Variants in CDH13 observed in about 807,000 individuals in gnomAD.
CDH13 encodes the protein cadherin-13.
CDH13 carries 24 observed loss-of-function variants against 63.8 expected under a neutral mutation model. The ratio of observed to expected loss-of-function variants is 0.38; its 90% CI spans 0.27 to 0.53. CDH13 has a LOEUF of 0.53. Ranked by LOEUF, CDH13 falls within the 20% of genes least tolerant of loss-of-function variation. The pLI, the probability that CDH13 is intolerant of heterozygous loss-of-function variation, is 0.85. For missense variants in CDH13, 1,049 were observed against 903.1 expected (o/e 1.16, Z -2.07); for synonymous variants, 503 against 355.3 (o/e 1.42, Z -4.67).
intron 5 of CDH13, among the ~76,000 whole-genome samples, chr16:83,329,390 T>C (rs1298934141): frequency 2.2e-5 from 3 of 137,012 alleles, no homozygotes; most frequent in Non-Finnish European, 4.8e-5. Flanking sequence ...CACACATGGC[T>C]AATTTTTGTA....
chr16:83,781,283 C>G (rs773231305), intron 12 of CDH13, among the ~76,000 whole-genome samples: 4 of 152,156 alleles, frequency 2.6e-5, no homozygotes, highest in African/African-American at 4.8e-5. Context: ...CAAATGTAAA[C>G]TAACTACCAA....
At chr16:82,857,523 A>G (rs1414766511) in intron 1 of CDH13, among the ~76,000 whole-genome samples, 1 of 152,208 alleles carries the variant, frequency 6.6e-6, no homozygotes, top group Non-Finnish European at 1.5e-5. Context: ...CCAGGAGAGA[A>G]TCGTATACAT....
At chr16:83,024,528 T>C (rs1179647096) in intron 2 of CDH13, among the ~76,000 whole-genome samples, 1 of 152,118 alleles carries the variant, frequency 6.6e-6, no homozygotes, top group Admixed American at 6.6e-5. Context: ...ACTCCCGAGT[T>C]TGGATTTGAC....
chr16:83,012,558 C>T (rs1215503646), intron 2 of CDH13, among the ~76,000 whole-genome samples: 2 of 151,884 alleles, frequency 1.3e-5, no homozygotes, highest in Admixed American at 1.3e-4. Flanking sequence ...AGACTCTCTA[C>T]AAGAAAAAAC....
intron 6 of CDH13, among the ~76,000 whole-genome samples, chr16:83,352,571 C>T (rs1286087436): frequency 5.9e-5 from 9 of 152,176 alleles, no homozygotes; most frequent in Admixed American, 5.2e-4. Flanking sequence ...TACACACACA[C>T]AATGGAATAC....
intron 7 of CDH13, among the ~76,000 whole-genome samples, chr16:83,501,929 G>T (rs1382338502): frequency 1.3e-5 from 2 of 152,194 alleles, no homozygotes; most frequent in African/African-American, 2.4e-5. Flanking sequence ...AAGCCCATGT[G>T]GTACAGTGGC....
At chr16:82,823,690 T>C (rs1390665650) in intron 1 of CDH13, 1 of 152,162 alleles carries the variant, frequency 6.6e-6, no homozygotes, top group African/African-American at 2.4e-5. Context: ...GGTATATTTA[T>C]TGTTATATAA....
chr16:83,689,984 G>A (rs1904687255), intron 10 of CDH13, among the ~76,000 whole-genome samples: 1 of 152,140 alleles, frequency 6.6e-6, no homozygotes, highest in Non-Finnish European at 1.5e-5. Flanking sequence ...TCAGGAATTT[G>A]AGACCAGCCT....
At chr16:83,011,400 G>A (rs1262704899) in intron 2 of CDH13, among the ~76,000 whole-genome samples, 1 of 152,144 alleles carries the variant, frequency 6.6e-6, no homozygotes. Context: ...TCAATCCCCA[G>A]GGAATTAGTC....
chr16:83,243,594 G>A (rs147895596), intron 5 of CDH13, among the ~76,000 whole-genome samples: 22 of 152,238 alleles, frequency 1.4e-4, no homozygotes, highest in Admixed American at 1.3e-3. Context: ...CAGGGGGCTG[G>A]GAGATTCACT....
intron 2 of CDH13, among the ~76,000 whole-genome samples, chr16:83,016,733 G>C (rs899706138): frequency 6.6e-6 from 1 of 152,070 alleles, no homozygotes; most frequent in African/African-American, 2.4e-5. Context: ...CTGGAATCAA[G>C]GTAGCACAAG....
At chr16:83,431,863 T>G (rs2072121324) in intron 6 of CDH13, among the ~76,000 whole-genome samples, 1 of 152,178 alleles carries the variant, frequency 6.6e-6, no homozygotes. Flanking sequence ...ACTGTGAGAT[T>G]TGGGTGGGGT....
chr16:82,691,124 G>A (rs7205463), intron 1 of CDH13, among the ~76,000 whole-genome samples: 20,895 of 152,264 alleles, frequency 0.14, 1,874 homozygotes, highest in Middle Eastern at 0.24. Context: ...TGGACTCAGA[G>A]ATATAACAAT....
chr16:83,391,470 C>G (rs1357458690), intron 6 of CDH13, among the ~76,000 whole-genome samples: 3 of 152,142 alleles, frequency 2.0e-5, no homozygotes, highest in Non-Finnish European at 4.4e-5. Context: ...TCCCAAAGTG[C>G]TGGGATTACA....
At chr16:83,236,158 T>C (rs1031585602) in intron 5 of CDH13, among the ~76,000 whole-genome samples, 2 of 152,056 alleles carry the variant, frequency 1.3e-5, no homozygotes, top group African/African-American at 4.8e-5. Context: ...GATTTAGATA[T>C]TAATATAGAA....
intron 5 of CDH13, among the ~76,000 whole-genome samples, chr16:83,324,792 T>C (rs753794445): frequency 2.0e-5 from 3 of 152,230 alleles, no homozygotes; most frequent in African/African-American, 4.8e-5. Context: ...TCATATCATA[T>C]GCTCACTCTA....
At position 83,449,263 on chromosome 16, in the gene CDH13, C is replaced by G. The variant is rs566503406; in HGVS notation, c.782-37214C>G. Among the ~76,000 whole-genome samples, 19 of 152,112 alleles carry G rather than the reference C, an allele frequency of 1.2e-4. No individual in the cohort carries two copies. In the East Asian group the frequency reaches 2.5e-3, roughly 20 times the overall value. On this transcript the variant is annotated intron_variant, in intron 6 of 13. Transcript: ENST00000567109. ...GGAGGCCCTCAATGTTTCTTTGAGA[C>G]CTGAGATGAGAGGATGATCAATGAA...
At chr16:83,490,347 T>C (rs1444395861) in intron 7 of CDH13, among the ~76,000 whole-genome samples, 5 of 152,172 alleles carry the variant, frequency 3.3e-5, no homozygotes, top group Non-Finnish European at 7.3e-5. Context: ...CTTCCCTGCC[T>C]TTTATAGATT....
At chr16:82,685,234 T>C (rs1452996851) in intron 1 of CDH13, among the ~76,000 whole-genome samples, 4 of 152,222 alleles carry the variant, frequency 2.6e-5, no homozygotes, top group Non-Finnish European at 5.9e-5. Flanking sequence ...TTCACAGTTC[T>C]GGAGGCTGGG....
Sources: allele counts gnomAD v4.1 joint callset (sites outside exome capture counted in the v4.1 genomes callset), GRCh38; gene constraint gnomAD v4.1.1; transcripts MANE v1.5; gene names NCBI Gene and HGNC (gene_info 2026-07-23, HGNC 2026-07-21).